MCTP1: variants seen among roughly 807,000 people sequenced by gnomAD.
The protein encoded by MCTP1 is multiple C2 and transmembrane domain containing 1, also known as multiple C2 and transmembrane domain-containing protein 1.
A neutral mutation model predicts 120.6 loss-of-function variants in MCTP1; 69 were observed. The ratio of observed to expected loss-of-function variants is 0.57; its 90% CI spans 0.47 to 0.70. The LOEUF (loss-of-function observed/expected upper bound fraction) is 0.70, where lower values mean the gene tolerates loss of function less well. MCTP1 is among the 30% of genes least tolerant of loss of function. The pLI, the probability that MCTP1 is intolerant of heterozygous loss-of-function variation, is 0.00. For missense variants in MCTP1, 1,203 were observed against 1,248.8 expected (o/e 0.96, Z 0.55); for synonymous variants, 529 against 493.1 (o/e 1.07, Z -0.96).
chr5:95,146,833 T>TA (rs1760434036), intron 1 of MCTP1, among the ~76,000 whole-genome samples: 1 of 152,200 alleles, frequency 6.6e-6, no homozygotes, highest in Non-Finnish European at 1.5e-5. Context: ...CATGTTTGGA[T>TA]AAAAACCGTG....
At chr5:95,168,385 T>C in intron 1 of MCTP1, among the ~76,000 whole-genome samples, 1 of 152,228 alleles carries the variant, frequency 6.6e-6, no homozygotes, top group Non-Finnish European at 1.5e-5. Context: ...GTGGGCTCTT[T>C]TTTGGTTCCA....
At chr5:95,260,930 G>A (rs1758417042) in intron 1 of MCTP1, among the ~76,000 whole-genome samples, 1 of 151,916 alleles carries the variant, frequency 6.6e-6, no homozygotes, top group African/African-American at 2.4e-5. Flanking sequence ...TATATTTTTG[G>A]TTCAATTCTT....
At chr5:94,976,273 A>T (rs1453031827) in intron 2 of MCTP1, among the ~76,000 whole-genome samples, 5 of 152,164 alleles carry the variant, frequency 3.3e-5, no homozygotes, top group African/African-American at 1.2e-4. Context: ...CAACATGGCA[A>T]AACCCTGTCT....
chr5:95,014,103 A>G lies in MCTP1; in HGVS notation c.838+3264T>C, dbSNP rs140243915. ...TAGTGAGACCACATCTCTACCAAAA[A>G]AAAGAAAAAAAATAGCCGGGCATGG... On this transcript the variant is annotated intron_variant, in intron 2 of 22. Coordinates refer to ENST00000515393, the MANE Select transcript of MCTP1 (RefSeq NM_024717.7). 2.4e-3 allele frequency among the ~76,000 whole-genome samples: 360 copies of G among 152,176 alleles called. 3 individuals are homozygous for G. Among genetic ancestry groups the G allele is most frequent in the Admixed American group, 4.8e-3 (74 of 15,268 alleles).
chr5:94,947,577 T>TATATATATATATATATAGAGAGAGAGAG, intron 3 of MCTP1, among the ~76,000 whole-genome samples: 1 of 47,398 alleles, frequency 2.1e-5, no homozygotes, highest in African/African-American at 9.3e-5. Flanking sequence ...TATATATATA[T>TATATATATATATATATAGAGAGAGAGAG]AGAGAGAGAG....
At chr5:94,756,429 G>A (rs1181066583) in intron 19 of MCTP1, among the ~76,000 whole-genome samples, 1 of 152,238 alleles carries the variant, frequency 6.6e-6, no homozygotes, top group East Asian at 1.9e-4. Context: ...GAAAAGGAGA[G>A]TGACTGACAG....
At chr5:94,906,906 C>G (rs990544370) in intron 10 of MCTP1, among the ~76,000 whole-genome samples, 1 of 152,108 alleles carries the variant, frequency 6.6e-6, no homozygotes, top group African/African-American at 2.4e-5. Flanking sequence ...TTAACAGACA[C>G]AGAATGTTGC....
At position 95,061,408 on chromosome 5, in the gene MCTP1, GTTT is replaced by G. The variant is rs556663513; in HGVS notation, c.721-43927_721-43925del. On this transcript the variant is annotated intron_variant, in intron 1 of 22. Coordinates refer to ENST00000515393, the MANE Select transcript of MCTP1 (RefSeq NM_024717.7). ...ATCAATTTTCACAAACCCCTTAAGG[GTTT>G]TTTTTTTTTTTTTTTTTTTTTTTTT... Among the ~76,000 whole-genome samples, 11 of 33,474 alleles carry G rather than the reference GTTT, an allele frequency of 3.3e-4. 1 individual carries two copies. The highest frequency in any genetic ancestry group is 5.0e-4 in the Non-Finnish European group (8 of 16,074). The allele number at this position is 33,474 out of a possible 152,430, so 22.0% of individuals were successfully genotyped here. A position where few individuals can be genotyped will look rare whatever the true frequency, so the allele number is the denominator to read the frequency against.
intron 6 of MCTP1, among the ~76,000 whole-genome samples, chr5:94,926,218 A>G (rs571329101): frequency 1.4e-4 from 22 of 152,326 alleles, no homozygotes; most frequent in South Asian, 1.0e-3. Context: ...TTTAAACATA[A>G]CACATACTAT....
chr5:95,066,273 G>A (rs899151076), intron 1 of MCTP1, among the ~76,000 whole-genome samples: 2 of 152,064 alleles, frequency 1.3e-5, no homozygotes, highest in Non-Finnish European at 2.9e-5. Flanking sequence ...TAAACATCAA[G>A]GGAATGTGAA....
intron 1 of MCTP1, among the ~76,000 whole-genome samples, chr5:95,208,437 T>C (rs1283355775): frequency 6.6e-6 from 1 of 152,152 alleles, no homozygotes; most frequent in Admixed American, 6.6e-5. Context: ...CAAAAGTCAA[T>C]ACAGATATTG....
chr5:94,844,102 T>C (rs1448690150), intron 17 of MCTP1, among the ~76,000 whole-genome samples: 1 of 151,794 alleles, frequency 6.6e-6, no homozygotes, highest in Non-Finnish European at 1.5e-5. Flanking sequence ...CAGGAGTTCT[T>C]GACCAGCCTG....
chr5:95,172,458 A>G (rs1370301853), intron 1 of MCTP1, among the ~76,000 whole-genome samples: 1 of 152,108 alleles, frequency 6.6e-6, no homozygotes, highest in Non-Finnish European at 1.5e-5. Context: ...ATTAATTCGT[A>G]TTACTTCTAA....
chr5:95,085,212 T>C (rs1755335754), intron 1 of MCTP1, among the ~76,000 whole-genome samples: 1 of 152,110 alleles, frequency 6.6e-6, no homozygotes, highest in Non-Finnish European at 1.5e-5. Flanking sequence ...CCATCCCTTC[T>C]TCTCTCTCCA....
intron 1 of MCTP1, among the ~76,000 whole-genome samples, chr5:95,032,589 A>G (rs140793283): frequency 2.0e-5 from 3 of 152,090 alleles, no homozygotes; most frequent in African/African-American, 7.2e-5. Flanking sequence ...CAGCAAAAGC[A>G]GTGGTAAGAG....
At chr5:95,014,159 T>C (rs1319921715) in intron 2 of MCTP1, among the ~76,000 whole-genome samples, 1 of 152,062 alleles carries the variant, frequency 6.6e-6, no homozygotes, top group Non-Finnish European at 1.5e-5. Context: ...AGCTACTCAT[T>C]AGGCTGAGGC....
chr5:95,165,967 C>A (rs1454176726), intron 1 of MCTP1, among the ~76,000 whole-genome samples: 2 of 152,134 alleles, frequency 1.3e-5, no homozygotes, highest in African/African-American at 4.8e-5. Context: ...GGCTCTTGAT[C>A]AAGGTCTCCA....
intron 1 of MCTP1, among the ~76,000 whole-genome samples, chr5:95,154,545 AT>A (rs1359268656): frequency 6.6e-6 from 1 of 152,158 alleles, no homozygotes; most frequent in African/African-American, 2.4e-5. Flanking sequence ...CTAATTAGGA[AT>A]TTTTTAGCTT....
intron 1 of MCTP1, among the ~76,000 whole-genome samples, chr5:95,223,274 A>T (rs1034390369): frequency 2.0e-5 from 3 of 152,094 alleles, no homozygotes; most frequent in Non-Finnish European, 4.4e-5. Flanking sequence ...CAACATGGCA[A>T]AACCCCATCT....
Sources: gnomAD v4.1 joint callset for allele counts (sites outside exome capture counted in the v4.1 genomes callset) on GRCh38, gnomAD v4.1.1 for gene constraint, MANE v1.5 for transcripts, NCBI Gene and HGNC (gene_info 2026-07-23, HGNC 2026-07-21) for gene names.